Variants in ODR4 observed in about 807,000 individuals in gnomAD.
ODR4 encodes protein odr-4 homolog.
Under a neutral mutation model 60.2 loss-of-function variants are expected in ODR4, and 47 were observed. The ratio of observed to expected loss-of-function variants is 0.78; its 90% confidence interval spans 0.62 to 1.00. ODR4 has a LOEUF of 1.00. Ranked by LOEUF, ODR4 falls within the 50% of genes least tolerant of loss-of-function variation. The pLI is 0.00. For synonymous variants in ODR4, 178 were observed against 175.5 expected (o/e 1.01, Z -0.11); for missense variants, 488 against 530.8 (o/e 0.92, Z 0.79).
intron 12 of ODR4, chr1:186,417,240 G>T: frequency 3.5e-6 from 1 of 288,150 alleles, no homozygotes; most frequent in Non-Finnish European, 6.5e-6. Flanking sequence ...TGGGATTACA[G>T]GCGTCAGCCA....
chr1:186,408,011 C>T (rs868301802), intron 12 of ODR4, among the ~76,000 whole-genome samples: 16 of 152,154 alleles, frequency 1.1e-4, no homozygotes, highest in Middle Eastern at 3.4e-3. Flanking sequence ...GTTACCCTGA[C>T]GAAGCTAATG....
At chr1:186,409,020 C>T (rs1042427721) in intron 12 of ODR4, among the ~76,000 whole-genome samples, 3 of 151,006 alleles carry the variant, frequency 2.0e-5, no homozygotes, top group Non-Finnish European at 4.4e-5. Context: ...CAGTTAGTAA[C>T]AGAGGTTTAT....
chr1:186,405,078 T>G, intron 11 of ODR4, among the ~76,000 whole-genome samples: 1 of 152,166 alleles, frequency 6.6e-6, no homozygotes, highest in East Asian at 1.9e-4. Context: ...TTAGATTTAT[T>G]TTTTTCTAAA....
intron 3 of ODR4, 136 bp from the exon 4 acceptor site, chr1:186,385,852 G>A (rs968493144): frequency 5.8e-5 from 33 of 573,256 alleles, no homozygotes; most frequent in Non-Finnish European, 9.2e-5. Context: ...GCTAAAGGAT[G>A]TTGTTATCAG....
chr1:186,406,021 A>G, intron 11 of ODR4, 62 bp from the exon 12 acceptor site: 1 of 1,111,734 alleles, frequency 9.0e-7, no homozygotes, highest in Non-Finnish European at 1.2e-6. Flanking sequence ...CTTCTAAAAT[A>G]TGTATCACTG....
intron 13 of ODR4, 150 bp downstream of exon 13, chr1:186,417,804 G>A (rs576840942): frequency 2.0e-4 from 113 of 561,558 alleles, no homozygotes; most frequent in Non-Finnish European, 3.2e-4. Context: ...CCAGGCCCTA[G>A]AGATAGGAAG....
intron 2 of ODR4, among the ~76,000 whole-genome samples, chr1:186,382,637 G>T (rs2383479): frequency 0.29 from 43,724 of 151,794 alleles, 6,802 homozygotes; most frequent in Admixed American, 0.38. Context: ...AATATTTTCC[G>T]ATCTGTTCAT....
At chr1:186,398,055 C>G (rs1202504667) in intron 9 of ODR4, among the ~76,000 whole-genome samples, 2 of 152,000 alleles carry the variant, frequency 1.3e-5, no homozygotes, top group Admixed American at 6.6e-5. Context: ...AATATTGAAC[C>G]ATTTTAGATG....
chr1:186,409,291 A>G (rs1661286435), intron 12 of ODR4, among the ~76,000 whole-genome samples: 1 of 152,158 alleles, frequency 6.6e-6, no homozygotes, highest in African/African-American at 2.4e-5. Flanking sequence ...AACCAAAACT[A>G]AAACCCAATA....
chr1:186,382,752 C>G (rs1660088975), intron 2 of ODR4, among the ~76,000 whole-genome samples: 1 of 152,140 alleles, frequency 6.6e-6, no homozygotes, highest in Admixed American at 6.5e-5. Context: ...AGGGACCACT[C>G]CATGATTTAC....
At chr1:186,415,197 A>AT (rs1233323245) in intron 12 of ODR4, among the ~76,000 whole-genome samples, 3 of 152,162 alleles carry the variant, frequency 2.0e-5, no homozygotes, top group Non-Finnish European at 4.4e-5. Flanking sequence ...ATTTCTAATA[A>AT]GATAGTTACT....
intron 12 of ODR4, among the ~76,000 whole-genome samples, chr1:186,413,991 G>C (rs767635628): frequency 2.0e-5 from 3 of 152,072 alleles, no homozygotes; most frequent in Non-Finnish European, 2.9e-5. Flanking sequence ...AAATGACTTG[G>C]TTTTAAGGAA....
Position 186,398,420 on chromosome 1 carries a change from C to G in ODR4, c.888C>G (p.Pro296=). ...GAGCTTATATCCACAGCAGTAAACC[C>G]AAAGTTAAAGATGCTGTGCAGGTAC... ...KCRAYIHSSK[P]KVKDAVQAVK... Residue 296 remains proline, a synonymous_variant, in exon 10 of 14, where the codon CCC becomes CCG. Coordinates refer to ENST00000287859, the MANE Select transcript of ODR4 (RefSeq NM_017847.6). The G allele has an allele frequency of 6.2e-7, 1 of 1,605,702 alleles. No individual in the cohort carries two copies. Among genetic ancestry groups the G allele is most frequent in the Admixed American group, 1.7e-5 (1 of 59,224 alleles).
intron 5 of ODR4, 90 bp downstream of exon 5, chr1:186,388,638 T>G (rs1240198798): frequency 4.2e-6 from 3 of 711,086 alleles, no homozygotes; most frequent in Non-Finnish European, 6.5e-6. Flanking sequence ...AAATCATCAT[T>G]TAAAAAATAG....
rs760485335 is a variant in ODR4, at chr1:186,379,875, A to G, written c.90A>G (p.Leu30=). The G allele has an allele frequency of 2.8e-5, 44 of 1,587,708 alleles. No homozygotes were observed. The highest frequency in any genetic ancestry group is 3.6e-5 in the Non-Finnish European group (42 of 1,160,730). Residue 30 remains leucine, a synonymous_variant, in exon 2 of 14, where the codon TTA becomes TTG. Coordinates refer to ENST00000287859, the MANE Select transcript of ODR4 (RefSeq NM_017847.6). ...GAAAGGCTTTTGTCTCTGGCCTTTTAATAGGACAGGTATGTATCTTTTACT... is the reference window on the plus strand; with the variant it reads ...GAAAGGCTTTTGTCTCTGGCCTTTTGATAGGACAGGTATGTATCTTTTACT... ...LQGKAFVSGL[L]IGQCSSQKDY...
At chr1:186,411,688 A>G (rs1253326988) in intron 12 of ODR4, 1 of 160,304 alleles carries the variant, frequency 6.2e-6, no homozygotes, top group East Asian at 1.9e-4. Flanking sequence ...ATAAATATTA[A>G]TACATATGTC....
rs776092173 is a variant in ODR4 at position 186,419,628 on chromosome 1, C to T, written c.*552C>T. 1.6e-4 allele frequency: 25 copies of T among 152,852 alleles called. No homozygotes were observed. The highest frequency in any genetic ancestry group is 3.5e-4 in the Non-Finnish European group (24 of 68,694). 9.5% of individuals were successfully genotyped at this position (152,852 alleles called of 1,614,324 possible). ...CTTGGAGGCTGAAGCAGGAAGATCA[C>T]GTGAGCCCAGGAGTTTGAGGCTGCA... On this transcript the variant is annotated 3_prime_UTR_variant, in exon 14 of 14. Coordinates refer to ENST00000287859, the MANE Select transcript of ODR4 (RefSeq NM_017847.6).
the ODR4 span, among the ~76,000 whole-genome samples, chr1:186,433,863 G>T: frequency 1.2e-4 from 18 of 152,182 alleles, no homozygotes; most frequent in Non-Finnish European, 2.4e-4. Flanking sequence ...ATAGGCATGA[G>T]CCACCGCGCC....
chr1:186,382,218 A>G (rs575157440), intron 2 of ODR4, among the ~76,000 whole-genome samples: 34 of 151,064 alleles, frequency 2.3e-4, no homozygotes, highest in African/African-American at 8.0e-4. Flanking sequence ...TAGCCTGGGC[A>G]ACATAGCAAG....
Sources: gnomAD v4.1 joint callset for allele counts (sites outside exome capture counted in the v4.1 genomes callset) on GRCh38, gnomAD v4.1.1 for gene constraint, MANE v1.5 for transcripts, NCBI Gene and HGNC (gene_info 2026-07-23, HGNC 2026-07-21) for gene names.